Variants in HHAT observed in about 807,000 individuals in gnomAD.
The protein encoded by HHAT is hedgehog acyltransferase, also known as protein-cysteine N-palmitoyltransferase HHAT.
In HHAT, 47 loss-of-function variants were observed where a neutral mutation model predicts 70.8. The observed-to-expected ratio is 0.66, with a 90% CI of 0.53 to 0.85. The LOEUF is 0.85. Among genes scored for constraint, HHAT ranks in the 40% least tolerant of loss-of-function variants. The pLI is 0.00. For synonymous variants in HHAT, 228 were observed against 247.6 expected (o/e 0.92, Z 0.74); for missense variants, 609 against 604.8 (o/e 1.01, Z -0.07).
At chr1:210,640,554 T>G (rs1309921208) in intron 11 of HHAT, among the ~76,000 whole-genome samples, 2 of 151,920 alleles carry the variant, frequency 1.3e-5, no homozygotes, top group Admixed American at 6.6e-5. Context: ...TTTTTTCTGA[T>G]GAAGGTATAA....
At chr1:210,406,581 A>AC in intron 6 of HHAT, among the ~76,000 whole-genome samples, 1 of 151,878 alleles carries the variant, frequency 6.6e-6, no homozygotes, top group African/African-American at 2.4e-5. Flanking sequence ...TTTAGTAGAG[A>AC]CCGGGTTTTG....
chr1:210,492,856 T>C (rs915574246), intron 8 of HHAT, among the ~76,000 whole-genome samples: 3 of 152,196 alleles, frequency 2.0e-5, no homozygotes, highest in Non-Finnish European at 4.4e-5. Context: ...TTCTACTCTG[T>C]GCATTAGTTT....
At chr1:210,493,557 T>C (rs1160174713) in intron 8 of HHAT, among the ~76,000 whole-genome samples, 2 of 152,222 alleles carry the variant, frequency 1.3e-5, no homozygotes, top group Non-Finnish European at 2.9e-5. Context: ...TACTGGTGTT[T>C]GACCAAACAA....
intron 7 of HHAT, among the ~76,000 whole-genome samples, chr1:210,461,023 T>G (rs1343689805): frequency 6.6e-6 from 1 of 152,222 alleles, no homozygotes; most frequent in Non-Finnish European, 1.5e-5. Flanking sequence ...CTCTTGCTAA[T>G]TGAGAAAATC....
chr1:210,330,017 G>A (rs1331650058), intron 1 of HHAT, among the ~76,000 whole-genome samples: 6 of 152,200 alleles, frequency 3.9e-5, no homozygotes, highest in Non-Finnish European at 8.8e-5. Flanking sequence ...AAAGTGCTGG[G>A]ATTACAGGCG....
intron 5 of HHAT, among the ~76,000 whole-genome samples, chr1:210,403,414 G>C (rs1362907285): frequency 6.6e-6 from 1 of 152,226 alleles, no homozygotes; most frequent in African/African-American, 2.4e-5. Flanking sequence ...TGTTGGAGGT[G>C]AATAAATGTT....
intron 1 of HHAT, among the ~76,000 whole-genome samples, chr1:210,347,832 TC>T (rs1487213246): frequency 6.6e-6 from 1 of 152,178 alleles, no homozygotes; most frequent in African/African-American, 2.4e-5. Context: ...CGGAGGCTGT[TC>T]CAATTCTGTT....
chr1:210,457,870 G>A (rs1448675097), intron 7 of HHAT, among the ~76,000 whole-genome samples: 2 of 152,114 alleles, frequency 1.3e-5, no homozygotes, highest in South Asian at 2.1e-4. Context: ...TGTGCCTGTT[G>A]CTTGGAGGTC....
At chr1:210,492,633 C>A (rs1463819248) in intron 8 of HHAT, among the ~76,000 whole-genome samples, 1 of 152,144 alleles carries the variant, frequency 6.6e-6, no homozygotes, top group African/African-American at 2.4e-5. Flanking sequence ...AAAGAGCTGT[C>A]TTTGGATATA....
At chr1:210,445,923 G>A (rs980117074) in intron 7 of HHAT, among the ~76,000 whole-genome samples, 2 of 151,526 alleles carry the variant, frequency 1.3e-5, no homozygotes, top group Non-Finnish European at 2.9e-5. Flanking sequence ...TGTGCACAAC[G>A]TGCAGGTTAG....
intron 8 of HHAT, among the ~76,000 whole-genome samples, chr1:210,508,953 T>G (rs185923684): frequency 6.6e-6 from 1 of 152,314 alleles, no homozygotes; most frequent in East Asian, 1.9e-4. Context: ...TGTAACATTT[T>G]CCCCCTGAAT....
chr1:210,536,389 C>G (rs1180011719), intron 9 of HHAT, among the ~76,000 whole-genome samples: 2 of 152,212 alleles, frequency 1.3e-5, no homozygotes, highest in East Asian at 3.9e-4. Context: ...CAGAATGCAG[C>G]CAGTTCCCTA....
intron 10 of HHAT, among the ~76,000 whole-genome samples, chr1:210,597,265 A>T (rs1336260251): frequency 6.6e-6 from 1 of 152,198 alleles, no homozygotes; most frequent in African/African-American, 2.4e-5. Flanking sequence ...CTGGGACTGC[A>T]CTGGGTCAGA....
rs1359731052 is a variant in HHAT, at chr1:210,404,188, T to C, written c.469-276T>C. 2.6e-5 allele frequency among the ~76,000 whole-genome samples: 4 copies of C among 152,324 alleles called. No individual in the cohort carries two copies. In the East Asian group the frequency reaches 5.8e-4, roughly 22 times the overall value. ...TGCCTAACTGGGAAAACCTTCGTTA[T>C]GTTGTGTCAGACCTAATGCTAGGTT... On this transcript the variant is annotated intron_variant, in intron 5 of 11. Transcript: ENST00000261458.
chr1:210,599,131 A>G (rs1424231572), intron 10 of HHAT, among the ~76,000 whole-genome samples: 1 of 152,198 alleles, frequency 6.6e-6, no homozygotes, highest in Non-Finnish European at 1.5e-5. Context: ...ACTGTCCAGT[A>G]CAGTAGCTAC....
intron 2 of HHAT, among the ~76,000 whole-genome samples, chr1:210,350,491 T>G (rs2086917571): frequency 6.6e-6 from 1 of 152,250 alleles, no homozygotes; most frequent in Non-Finnish European, 1.5e-5. Context: ...CTTATACATA[T>G]TTTGTTAGAT....
chr1:210,655,657 C>A (rs765339275), intron 11 of HHAT, among the ~76,000 whole-genome samples: 1 of 152,208 alleles, frequency 6.6e-6, no homozygotes, highest in Non-Finnish European at 1.5e-5. Flanking sequence ...AAACGTCTTT[C>A]TCTGTAACCG....
intron 8 of HHAT, among the ~76,000 whole-genome samples, chr1:210,488,919 A>G (rs1379817843): frequency 1.3e-5 from 2 of 152,214 alleles, no homozygotes; most frequent in Non-Finnish European, 2.9e-5. Flanking sequence ...TAAAACATTC[A>G]CAGACATAGC....
At chr1:210,486,536 T>A (rs1267025430) in intron 8 of HHAT, among the ~76,000 whole-genome samples, 3 of 152,192 alleles carry the variant, frequency 2.0e-5, no homozygotes, top group African/African-American at 7.2e-5. Flanking sequence ...TAGCCACAGG[T>A]AGAACTGATC....
Sources: gnomAD v4.1 joint callset for allele counts (sites outside exome capture counted in the v4.1 genomes callset) on GRCh38, gnomAD v4.1.1 for gene constraint, MANE v1.5 for transcripts, NCBI Gene and HGNC (gene_info 2026-07-23, HGNC 2026-07-21) for gene names.